PSME4: variants seen among roughly 807,000 people sequenced by gnomAD.
The protein encoded by PSME4 is proteasome activator complex subunit 4.
Under a neutral mutation model 253.9 loss-of-function variants are expected in PSME4, and 89 were observed. The observed-to-expected ratio is 0.35, with a 90% CI of 0.30 to 0.42. The LOEUF (loss-of-function observed/expected upper bound fraction) is 0.42. Among genes scored for constraint, PSME4 ranks in the 10% least tolerant of loss-of-function variants. PSME4 has a pLI of 1.00. For synonymous variants in PSME4, 851 were observed against 759.2 expected (o/e 1.12, Z -1.99); for missense variants, 2,014 against 2,195.2 (o/e 0.92, Z 1.65).
At chr2:53,912,156 A>T (rs891837240) in intron 20 of PSME4, among the ~76,000 whole-genome samples, 1 of 152,142 alleles carries the variant, frequency 6.6e-6, no homozygotes, top group African/African-American at 2.4e-5. Flanking sequence ...ACTTACACGC[A>T]GATTTTTTTT....
At chr2:53,937,622 C>T (rs891921091) in intron 4 of PSME4, 82 bp from the exon 5 acceptor site, 12 of 1,323,646 alleles carry the variant, frequency 9.1e-6, no homozygotes, top group East Asian at 4.7e-5. Flanking sequence ...GACCAAAAGG[C>T]TGGGGGAGGA....
At chr2:53,907,389 TC>T (rs1459525594) in intron 24 of PSME4, among the ~76,000 whole-genome samples, 2 of 152,174 alleles carry the variant, frequency 1.3e-5, no homozygotes, top group Non-Finnish European at 2.9e-5. Flanking sequence ...ACACCACAGT[TC>T]CTTAGTCATT....
At chr2:53,908,486 G>A (rs202164033) in intron 23 of PSME4, 24 bp downstream of exon 23, 2 of 1,609,374 alleles carry the variant, frequency 1.2e-6, no homozygotes, top group Non-Finnish European at 8.5e-7. Context: ...TAATCATTAT[G>A]CAACTATCAA....
intron 9 of PSME4, 94 bp downstream of exon 9, chr2:53,932,572 CAG>C: frequency 9.8e-7 from 1 of 1,023,960 alleles, no homozygotes; most frequent in Non-Finnish European, 1.5e-6. Flanking sequence ...CTATGAAGGA[CAG>C]AAAATGTATT....
intron 42 of PSME4, 146 bp downstream of exon 42, chr2:53,875,481 C>T (rs777243971): frequency 2.2e-5 from 16 of 743,498 alleles, no homozygotes; most frequent in Non-Finnish European, 2.9e-5. Context: ...AGGTCTGTTT[C>T]TTTGGTCAAT....
intron 1 of PSME4, among the ~76,000 whole-genome samples, chr2:53,968,787 C>T (rs1558437791): frequency 6.6e-6 from 1 of 152,124 alleles, no homozygotes; most frequent in East Asian, 1.9e-4. Context: ...TATTTTTAGC[C>T]CTTTCTAGGT....
chr2:53,904,280 A>G (rs779003586), intron 26 of PSME4, 124 bp from the exon 27 acceptor site: 246 of 987,064 alleles, frequency 2.5e-4, no homozygotes, highest in Non-Finnish European at 3.3e-4. Flanking sequence ...ATAAATTTCA[A>G]AGCACGTACC....
chr2:53,927,568 CAATAAATTATCTTGATCAA>C, intron 11 of PSME4, 85 bp from the exon 12 acceptor site: 1 of 955,990 alleles, frequency 1.0e-6, no homozygotes, highest in South Asian at 1.4e-5. Flanking sequence ...TAAATTACCC[CAATAAATTATCTTGATCAA>C]AATCCCACAA....
intron 1 of PSME4, among the ~76,000 whole-genome samples, chr2:53,955,895 C>G (rs1261883189): frequency 1.3e-5 from 2 of 152,148 alleles, no homozygotes; most frequent in African/African-American, 2.4e-5. Flanking sequence ...GCACTCCAAC[C>G]TAGGCAACAG....
At chr2:53,905,889 T>C (rs547259350) in intron 26 of PSME4, among the ~76,000 whole-genome samples, 2 of 152,312 alleles carry the variant, frequency 1.3e-5, no homozygotes, top group East Asian at 1.9e-4. Context: ...TTTTCACATT[T>C]TGAAACATGT....
chr2:53,900,239 G>A (rs1310288891), intron 28 of PSME4, among the ~76,000 whole-genome samples: 1 of 152,062 alleles, frequency 6.6e-6, no homozygotes, highest in Non-Finnish European at 1.5e-5. Flanking sequence ...CTGCTATTAG[G>A]TACTTGTTTT....
chr2:53,867,669 CAA>C lies in PSME4; in HGVS notation c.5264-791_5264-790del, dbSNP rs35848517. Among the ~76,000 whole-genome samples, 142 of 98,504 alleles carry C rather than the reference CAA, an allele frequency of 1.4e-3. 2 individuals are homozygous for C. The highest frequency in any genetic ancestry group is 4.3e-3 in the East Asian group (16 of 3,718). The allele number at this position is 98,504 out of a possible 152,430, so 64.6% of individuals were successfully genotyped here. ...AGGGCGATAGAGGAAGACCTTACCT[CAA>C]AAAAAAAAAAAAAAAAAAAGGATTT... On this transcript the variant is annotated intron_variant, in intron 44 of 46. Coordinates refer to ENST00000404125, the MANE Select transcript of PSME4 (RefSeq NM_014614.3).
intron 4 of PSME4, among the ~76,000 whole-genome samples, chr2:53,937,945 A>G (rs1212708961): frequency 6.6e-6 from 1 of 151,728 alleles, no homozygotes; most frequent in Non-Finnish European, 1.5e-5. Context: ...GTGAGCCAAG[A>G]CTGCACCATT....
At chr2:53,926,133 T>C (rs184628777) in intron 12 of PSME4, 110 bp from the exon 13 acceptor site, 12 of 785,022 alleles carry the variant, frequency 1.5e-5, no homozygotes, top group Non-Finnish European at 1.9e-5. Flanking sequence ...AACCATTATA[T>C]TGGGTACTAT....
At chr2:53,879,182 C>G (rs1679267727) in intron 41 of PSME4, among the ~76,000 whole-genome samples, 1 of 150,380 alleles carries the variant, frequency 6.6e-6, no homozygotes, top group African/African-American at 2.5e-5. Context: ...ACCCTCCTAC[C>G]TCAAAGATAT....
At chr2:53,965,893 C>G (rs567639766) in intron 1 of PSME4, among the ~76,000 whole-genome samples, 22 of 151,726 alleles carry the variant, frequency 1.4e-4, no homozygotes, top group Admixed American at 4.6e-4. Context: ...AGGCTGGTCT[C>G]GAACTCCTGA....
chr2:53,888,470 T>C (rs1186100076), intron 38 of PSME4: 21 of 372,518 alleles, frequency 5.6e-5, no homozygotes, highest in Non-Finnish European at 9.6e-5. Flanking sequence ...GATAAAATAT[T>C]TGACAGCAAA....
At chr2:53,919,272 A>G (rs370515466) in intron 19 of PSME4, 26 bp from the exon 20 acceptor site, 7 of 1,554,722 alleles carry the variant, frequency 4.5e-6, no homozygotes, top group Non-Finnish European at 6.0e-6. Context: ...AGACATTTTC[A>G]TATTTCCAAA....
chr2:53,967,838 A>G (rs1054054748), intron 1 of PSME4, among the ~76,000 whole-genome samples: 7 of 151,996 alleles, frequency 4.6e-5, no homozygotes, highest in Non-Finnish European at 1.0e-4. Flanking sequence ...TTAGGAATGT[A>G]CTTGATCTAT....
Sources: allele counts gnomAD v4.1 joint callset (sites outside exome capture counted in the v4.1 genomes callset), GRCh38; gene constraint gnomAD v4.1.1; transcripts MANE v1.5; gene names NCBI Gene and HGNC (gene_info 2026-07-23, HGNC 2026-07-21).